The following TMEM260 variants were observed in gnomAD, a reference collection of about 807,000 sequenced individuals.
The protein encoded by TMEM260 is transmembrane protein 260, also known as protein O-mannosyl-transferase TMEM260.
A neutral mutation model predicts 88.9 loss-of-function variants in TMEM260; 82 were observed. That is an observed-to-expected ratio of 0.92 (90% confidence interval 0.77 to 1.11). TMEM260 has a LOEUF of 1.11. Among genes scored for constraint, TMEM260 ranks in the 50% least tolerant of loss-of-function variants. TMEM260 has a pLI of 0.00. For synonymous variants in TMEM260, 314 were observed against 309.3 expected, an observed-to-expected ratio of 1.02 and a Z score of -0.16; for missense variants, 902 against 853.4, an observed-to-expected ratio of 1.06 and a Z score of -0.71.
intron 1 of TMEM260, among the ~76,000 whole-genome samples, chr14:56,581,058 T>C (rs1885098480): frequency 6.6e-6 from 1 of 152,182 alleles, no homozygotes; most frequent in African/African-American, 2.4e-5. Context: ...TTCTCAAGGC[T>C]CAATTTGGGG....
chr14:56,636,106 G>A (rs532599101), intron 14 of TMEM260, among the ~76,000 whole-genome samples: 54 of 152,270 alleles, frequency 3.5e-4, no homozygotes, highest in Non-Finnish European at 6.2e-4. Flanking sequence ...AGTTCATGGG[G>A]TCTAAGGGTC....
intron 15 of TMEM260, among the ~76,000 whole-genome samples, chr14:56,646,884 T>C (rs1890001939): frequency 6.6e-6 from 1 of 152,132 alleles, no homozygotes; most frequent in Non-Finnish European, 1.5e-5. Context: ...CAGCTAAATT[T>C]AGAGTTTCAA....
At chr14:56,640,968 G>A (rs1039651253) in intron 15 of TMEM260, among the ~76,000 whole-genome samples, 3 of 151,840 alleles carry the variant, frequency 2.0e-5, no homozygotes, top group Non-Finnish European at 4.4e-5. Context: ...AACAAACAAA[G>A]CCTCCAAGAA....
chr14:56,662,072 A>G, the TMEM260 span, among the ~76,000 whole-genome samples: 1 of 152,244 alleles, frequency 6.6e-6, no homozygotes, highest in East Asian at 1.9e-4. Context: ...TGTTACTGCC[A>G]CAGAAAGTTG....
intron 3 of TMEM260, among the ~76,000 whole-genome samples, chr14:56,588,637 C>G (rs1221536825): frequency 1.3e-5 from 2 of 151,944 alleles, no homozygotes; most frequent in Non-Finnish European, 2.9e-5. Context: ...ATGAGTAAAA[C>G]AGCACATTGA....
At chr14:56,636,460 T>C (rs1261824598) in intron 14 of TMEM260, 48 bp from the exon 15 acceptor site, 22 of 1,456,202 alleles carry the variant, frequency 1.5e-5, no homozygotes, top group East Asian at 2.3e-5. Context: ...GCCCTGAATG[T>C]GCAATTGACT....
Position 56,647,524 on chromosome 14 carries a change from A to G in TMEM260, c.*27A>G. On this transcript the variant is annotated 3_prime_UTR_variant, in exon 16 of 16. Coordinates refer to ENST00000261556, the MANE Select transcript of TMEM260 (RefSeq NM_017799.4). ...ACAGCAAAATATGAAAAACCTGCTC[A>G]TCGTTCAGCTTCCAAAATTCTGAAG... 6.4e-7 allele frequency: 1 copy of G among 1,555,222 alleles called. No homozygotes were observed. Among genetic ancestry groups the G allele is most frequent in the Non-Finnish European group, 8.6e-7 (1 of 1,156,800 alleles).
rs781145315 is a variant in TMEM260 at position 56,585,911 on chromosome 14, A to C, written c.343A>C (p.Arg115=). 6.2e-7 allele frequency: 1 copy of C among 1,612,118 alleles called. No individual in the cohort carries two copies. The highest frequency in any genetic ancestry group is 8.5e-7 in the Non-Finnish European group (1 of 1,179,232). Residue 115 remains arginine, a splice_region_variant and synonymous_variant, in exon 3 of 16, where the codon AGG becomes CGG. Transcript: ENST00000261556. The part of the protein sequence containing the change: ...AASLLFFTVF[R]LSGSSAGGIL... ...ATCATTACTTTTTTTCACCGTTTTC[A>C]GGTAAAGTAGTTGATTAGTTAAAAT...
chr14:56,623,196 T>G (rs1053898754), intron 11 of TMEM260, among the ~76,000 whole-genome samples: 2 of 152,190 alleles, frequency 1.3e-5, no homozygotes, highest in African/African-American at 4.8e-5. Flanking sequence ...CTGACTTAAA[T>G]GACTGAGTTT....
At chr14:56,660,873 G>A in the TMEM260 span, among the ~76,000 whole-genome samples, 3 of 152,180 alleles carry the variant, frequency 2.0e-5, no homozygotes, top group African/African-American at 7.2e-5. Context: ...TCCACAAGCT[G>A]GGTGAAGGGT....
chr14:56,616,415 TATTC>T (rs1887596946), intron 8 of TMEM260, among the ~76,000 whole-genome samples: 1 of 152,118 alleles, frequency 6.6e-6, no homozygotes, highest in African/African-American at 2.4e-5. Context: ...TCCATTAATT[TATTC>T]ATTTATGATC....
intron 15 of TMEM260, among the ~76,000 whole-genome samples, chr14:56,638,493 AGTT>A (rs1268044214): frequency 6.6e-6 from 1 of 152,154 alleles, no homozygotes; most frequent in African/African-American, 2.4e-5. Context: ...TTCTATGGTC[AGTT>A]GTTTGTTAGG....
chr14:56,642,280 T>C (rs1318104617), intron 15 of TMEM260, among the ~76,000 whole-genome samples: 2 of 152,168 alleles, frequency 1.3e-5, no homozygotes, highest in Non-Finnish European at 2.9e-5. Flanking sequence ...TCAGCAAATG[T>C]AAAAGAACAG....
chr14:56,623,880 T>C (rs1424518628), intron 11 of TMEM260, among the ~76,000 whole-genome samples: 1 of 152,212 alleles, frequency 6.6e-6, no homozygotes, highest in African/African-American at 2.4e-5. Flanking sequence ...AATGATGATA[T>C]CCGAACATAA....
At chr14:56,654,693 A>C (rs1304471309), downstream of TMEM260, among the ~76,000 whole-genome samples, 1 of 151,812 alleles carries the variant, frequency 6.6e-6, no homozygotes, top group African/African-American at 2.4e-5. Flanking sequence ...ACAAATCTGT[A>C]ATCTCAGCTA....
At chr14:56,639,676 A>G (rs1013759845) in intron 15 of TMEM260, among the ~76,000 whole-genome samples, 3 of 152,214 alleles carry the variant, frequency 2.0e-5, no homozygotes, top group Admixed American at 6.5e-5. Context: ...GAGCCAAAGC[A>G]GGGCAAGGCA....
At chr14:56,639,268 CCAA>C (rs1297653284) in intron 15 of TMEM260, among the ~76,000 whole-genome samples, 2 of 149,952 alleles carry the variant, frequency 1.3e-5, no homozygotes, top group African/African-American at 2.5e-5. Context: ...GTAACTACAG[CCAA>C]CAACATTATG....
intron 3 of TMEM260, among the ~76,000 whole-genome samples, chr14:56,591,250 A>C (rs1885837434): frequency 2.0e-5 from 3 of 152,226 alleles, no homozygotes. Flanking sequence ...ATCATAACTC[A>C]TATAGATTTG....
chr14:56,623,471 C>CA (rs1324039689), intron 11 of TMEM260, among the ~76,000 whole-genome samples: 1 of 152,044 alleles, frequency 6.6e-6, no homozygotes, highest in Non-Finnish European at 1.5e-5. Context: ...CCCCACTGAC[C>CA]AATACTGAGT....
Sources: gnomAD v4.1 joint callset for allele counts (sites outside exome capture counted in the v4.1 genomes callset) on GRCh38, gnomAD v4.1.1 for gene constraint, MANE v1.5 for transcripts, NCBI Gene and HGNC (gene_info 2026-07-23, HGNC 2026-07-21) for gene names.